The following RAB3GAP1 variants were observed in gnomAD, a reference collection of about 807,000 sequenced individuals.
RAB3GAP1 encodes RAB3 GTPase activating protein catalytic subunit 1.
In RAB3GAP1, 86 loss-of-function variants were observed where a neutral mutation model predicts 130.7. The ratio of observed to expected loss-of-function variants is 0.66; its 90% CI spans 0.55 to 0.79. The LOEUF is 0.79. Among genes scored for constraint, RAB3GAP1 ranks in the 30% least tolerant of loss-of-function variants. The pLI is 0.00. For synonymous variants in RAB3GAP1, 367 were observed against 401.7 expected (o/e 0.91, Z 1.03); for missense variants, 1,029 against 1,169.4 (o/e 0.88, Z 1.75).
At position 135,113,189 on chromosome 2, in the gene RAB3GAP1, C is replaced by T. The variant is rs2104913042; in HGVS notation, c.401C>T (p.Ala134Val). 6.2e-7 allele frequency: 1 copy of T among 1,614,134 alleles called. No individual in the cohort carries two copies. The highest frequency in any genetic ancestry group is 2.2e-5 in the East Asian group (1 of 44,888). ...GAGTTCGTGGTGATTGCCCCTGCTGCACACAGTGACGCTGTTCTCAGCGAA... is the reference window on the plus strand; with the variant it reads ...GAGTTCGTGGTGATTGCCCCTGCTGTACACAGTGACGCTGTTCTCAGCGAA... ...LREFVVIAPA[A>V]HSDAVLSESK... Residue 134 changes from alanine (A) to valine (V), a missense_variant, in exon 6 of 24, where the codon GCA becomes GTA. Physicochemically the swap from Ala to Val is moderately conservative, Grantham distance 64. Transcript: ENST00000264158.
rs1013379187 is a variant in RAB3GAP1 at position 135,120,862 on chromosome 2, G to A, written c.692G>A (p.Arg231Gln). Residue 231 changes from arginine (R) to glutamine (Q), a missense_variant, in exon 8 of 24, where the codon CGA (arginine) becomes CAA (glutamine). This residue lies in a region of RAB3GAP1 where 510 missense variants were observed against 532.1 expected (regional missense o/e 0.96). Coordinates refer to ENST00000264158, the MANE Select transcript of RAB3GAP1 (RefSeq NM_012233.3). The stretch of plus-strand genomic sequence containing the variant: ...TTGCCTCCAGTTAGTATTGCTATTC[G>A]ATTTACCTATGTACTTCAAGATTGG... ...TPLPPVSIAI[R>Q]FTYVLQDWQQ... The A allele has an allele frequency of 3.1e-6, 5 of 1,613,158 alleles. No individual in the cohort carries two copies. Among genetic ancestry groups the A allele is most frequent in the South Asian group, 2.2e-5 (2 of 91,042 alleles).
intron 5 of RAB3GAP1, among the ~76,000 whole-genome samples, chr2:135,106,075 G>C (rs1196543956): frequency 6.6e-6 from 1 of 151,874 alleles, no homozygotes; most frequent in Admixed American, 6.5e-5. Context: ...TCTCGGCCCG[G>C]CAGCCGCCCC....
rs539310402 is a variant in RAB3GAP1, at chr2:135,103,035, A to ATTTTT, written c.362+9358_362+9362dup. 1.5e-3 allele frequency among the ~76,000 whole-genome samples: 139 copies of ATTTTT among 90,882 alleles called. 10 individuals are homozygous for ATTTTT. Among genetic ancestry groups the ATTTTT allele is most frequent in the African/African-American group, 3.3e-3 (60 of 18,182 alleles). 59.6% of individuals were successfully genotyped at this position (90,882 alleles called of 152,430 possible). ...AAAAAAAAAAAAAATCATTTTTGTGATTTTTTTTTTTTTTTTTTTTGAGAC... is the reference window on the plus strand; with the variant it reads ...AAAAAAAAAAAAAATCATTTTTGTGATTTTTTTTTTTTTTTTTTTTTTTTTGAGAC... On this transcript the variant is annotated intron_variant, in intron 5 of 23. Transcript: ENST00000264158.
chr2:135,100,718 A>G (rs1035941980), intron 5 of RAB3GAP1, among the ~76,000 whole-genome samples: 1 of 152,262 alleles, frequency 6.6e-6, no homozygotes, highest in Non-Finnish European at 1.5e-5. Flanking sequence ...TTAAACATTT[A>G]CTGTGATCCA....
chr2:135,096,809 A>C (rs1299857410), intron 5 of RAB3GAP1, among the ~76,000 whole-genome samples: 2 of 152,192 alleles, frequency 1.3e-5, no homozygotes, highest in Non-Finnish European at 2.9e-5. Flanking sequence ...CAGAGTAGTT[A>C]TGAGGATCAA....
intron 5 of RAB3GAP1, among the ~76,000 whole-genome samples, chr2:135,101,022 G>C (rs1054031792): frequency 3.3e-5 from 5 of 152,174 alleles, no homozygotes; most frequent in African/African-American, 1.2e-4. Flanking sequence ...AATTAGTAGA[G>C]GTGATGATGT....
chr2:135,165,999 C>T (rs1371014462), intron 23 of RAB3GAP1, among the ~76,000 whole-genome samples: 1 of 151,998 alleles, frequency 6.6e-6, no homozygotes, highest in African/African-American at 2.4e-5. Context: ...TGGTGAAACC[C>T]TTTCTCTACT....
intron 2 of RAB3GAP1, among the ~76,000 whole-genome samples, chr2:135,053,355 G>C (rs1024479207): frequency 1.3e-5 from 2 of 152,230 alleles, no homozygotes; most frequent in African/African-American, 2.4e-5. Context: ...CTGTGCCCAG[G>C]CTTCCTGTGC....
chr2:135,065,400 A>G (rs571933222), intron 3 of RAB3GAP1, among the ~76,000 whole-genome samples: 7 of 152,304 alleles, frequency 4.6e-5, no homozygotes, highest in Admixed American at 4.6e-4. Context: ...CAACTAGAAC[A>G]ATGGATTGCA....
chr2:135,112,002 T>C (rs1337841343), intron 5 of RAB3GAP1, among the ~76,000 whole-genome samples: 1 of 152,214 alleles, frequency 6.6e-6, no homozygotes, highest in Non-Finnish European at 1.5e-5. Flanking sequence ...GAAAATAGAC[T>C]GTAAACCTTG....
chr2:135,115,827 TCTGGCTTATATCC>T (rs1690953870), intron 7 of RAB3GAP1, among the ~76,000 whole-genome samples: 1 of 152,234 alleles, frequency 6.6e-6, no homozygotes, highest in Non-Finnish European at 1.5e-5. Flanking sequence ...TCAAGGTTAA[TCTGGCTTATATCC>T]TAGGCCTGAG....
chr2:135,141,349 C>T (rs1056026604), intron 17 of RAB3GAP1, among the ~76,000 whole-genome samples: 2 of 151,578 alleles, frequency 1.3e-5, no homozygotes, highest in Admixed American at 6.6e-5. Flanking sequence ...CTCAGCCTCC[C>T]GAGTAGCTGG....
chr2:135,112,813 A>G (rs1011630731), intron 5 of RAB3GAP1, among the ~76,000 whole-genome samples: 1 of 140,224 alleles, frequency 7.1e-6, no homozygotes, highest in African/African-American at 3.1e-5. Flanking sequence ...ACAACTGTCA[A>G]AGTCTCTCTC....
At chr2:135,154,378 C>T (rs564971943) in intron 19 of RAB3GAP1, among the ~76,000 whole-genome samples, 5 of 152,222 alleles carry the variant, frequency 3.3e-5, no homozygotes, top group African/African-American at 1.2e-4. Flanking sequence ...TGGCACCTGC[C>T]TGATATTTAA....
chr2:135,105,953 C>G (rs1054738799), intron 5 of RAB3GAP1, among the ~76,000 whole-genome samples: 1 of 151,054 alleles, frequency 6.6e-6, no homozygotes, highest in Non-Finnish European at 1.5e-5. Context: ...CCCCTCCGCT[C>G]GGCAGCCGCC....
chr2:135,137,248 G>C (rs1691702142), intron 17 of RAB3GAP1: 1 of 417,308 alleles, frequency 2.4e-6, no homozygotes, highest in Admixed American at 2.6e-5. Context: ...TTGAGAACAT[G>C]ATGTCTGTAG....
At chr2:135,057,233 G>A (rs941230123) in intron 2 of RAB3GAP1, among the ~76,000 whole-genome samples, 1 of 151,942 alleles carries the variant, frequency 6.6e-6, no homozygotes. Flanking sequence ...CTTGTCAGCT[G>A]TCCATTAAAA....
At chr2:135,076,441 A>G (rs886511834) in intron 3 of RAB3GAP1, among the ~76,000 whole-genome samples, 4 of 152,094 alleles carry the variant, frequency 2.6e-5, no homozygotes, top group Non-Finnish European at 4.4e-5. Context: ...TTTCCTGAGC[A>G]CTCATGAGAT....
At chr2:135,115,430 T>C (rs1558783184) in intron 7 of RAB3GAP1, 49 bp downstream of exon 7, 2 of 1,540,546 alleles carry the variant, frequency 1.3e-6, no homozygotes, top group Non-Finnish European at 1.8e-6. Flanking sequence ...CAGATAAAAG[T>C]AGAGATTTGA....
Sources: gnomAD v4.1 joint callset for allele counts (sites outside exome capture counted in the v4.1 genomes callset) on GRCh38, gnomAD v4.1.1 for gene constraint, gnomAD v4.1.1 regional missense constraint, MANE v1.5 for transcripts, NCBI Gene and HGNC (gene_info 2026-07-23, HGNC 2026-07-21) for gene names.